Variants in LNX1 observed in about 807,000 individuals in gnomAD.
The protein encoded by LNX1 is ligand of numb-protein X 1.
Under a neutral mutation model 68.4 loss-of-function variants are expected in LNX1, and 54 were observed. The ratio of observed to expected loss-of-function variants is 0.79; its 90% confidence interval spans 0.63 to 0.99. LNX1 has a LOEUF of 0.99. Ranked by LOEUF, LNX1 falls within the 50% of genes least tolerant of loss-of-function variation. The pLI, the probability that LNX1 is intolerant of heterozygous loss-of-function variation, is 0.00. For missense variants in LNX1, 906 were observed against 926.4 expected, an observed-to-expected ratio of 0.98 and a Z score of 0.29; for synonymous variants, 336 against 350.0, an observed-to-expected ratio of 0.96 and a Z score of 0.45.
upstream of LNX1, among the ~76,000 whole-genome samples, chr4:53,622,342 T>G (rs1733913614): frequency 6.6e-6 from 1 of 152,174 alleles, no homozygotes; most frequent in Non-Finnish European, 1.5e-5. Context: ...TTAGAAATAC[T>G]GACAATTTTC....
rs1272473049 is a variant in LNX1 at position 53,496,048 on chromosome 4, G to T, written c.1325C>A (p.Pro442Gln). The T allele has an allele frequency of 6.2e-7, 1 of 1,613,740 alleles. No homozygotes were observed. The highest frequency in any genetic ancestry group is 2.2e-5 in the East Asian group (1 of 44,866). Residue 442 changes from proline to glutamine, a missense_variant, in exon 6 of 11, where the codon CCA (proline) becomes CAA (glutamine). Transcript: ENST00000263925. ...CTGAATCAGATGAGCCGCACTTTCTGGGCTGCCATATCGAAGATCATGTCC... is the reference window on the plus strand; with the variant it reads ...CTGAATCAGATGAGCCGCACTTTCTTGGCTGCCATATCGAAGATCATGTCC... ...INGHDLRYGSPESAAHLIQAS... is the reference protein window; with the variant it reads ...INGHDLRYGSQESAAHLIQAS...
chr4:53,551,742 T>G (rs1438632648), intron 2 of LNX1, among the ~76,000 whole-genome samples: 1 of 152,154 alleles, frequency 6.6e-6, no homozygotes, highest in East Asian at 1.9e-4. Flanking sequence ...CTCTTCTAAG[T>G]GTACTTCCTT....
At chr4:53,599,291 C>T (rs1045177323) in intron 2 of LNX1, among the ~76,000 whole-genome samples, 2 of 152,154 alleles carry the variant, frequency 1.3e-5, no homozygotes, top group Admixed American at 6.5e-5. Flanking sequence ...CCAGCTAAAA[C>T]CCACCAAAAC....
rs1455157552 is a variant in LNX1 at position 53,508,169 on chromosome 4, C to A, written c.439G>T (p.Gly147Cys). 2 of 1,614,044 alleles carry A rather than the reference C, an allele frequency of 1.2e-6. No homozygotes were observed. The highest frequency in any genetic ancestry group is 1.7e-6 in the Non-Finnish European group (2 of 1,180,026). Residue 147 changes from glycine (G) to cysteine (C), a missense_variant, in exon 3 of 11, where the codon GGC becomes TGC. Physicochemically the swap from Gly to Cys is radical, Grantham distance 159. Transcript: ENST00000263925. ...TKDRKRRSQD[G>C]CPDGCASLTA... ...AGGCTCGCACAGCCGTCTGGACAGCCATCTTGTGAGCGCCTCTTCCTATCT... is the reference window on the plus strand; with the variant it reads ...AGGCTCGCACAGCCGTCTGGACAGCAATCTTGTGAGCGCCTCTTCCTATCT...
intron 9 of LNX1, among the ~76,000 whole-genome samples, chr4:53,465,658 G>A (rs1722624145): frequency 6.6e-6 from 1 of 152,168 alleles, no homozygotes; most frequent in Non-Finnish European, 1.5e-5. Context: ...TGTGTTTATT[G>A]CCAAAGAACT....
At chr4:53,576,010 C>T (rs1208563341) in intron 1 of LNX1, 10 of 1,567,418 alleles carry the variant, frequency 6.4e-6, no homozygotes, top group South Asian at 2.4e-5. Flanking sequence ...CCTCCATCTT[C>T]CCCCCACCAG....
intron 2 of LNX1, among the ~76,000 whole-genome samples, chr4:53,562,548 A>G (rs1220517816): frequency 2.0e-5 from 3 of 152,370 alleles, no homozygotes; most frequent in Non-Finnish European, 4.4e-5. Context: ...TATTTAGTAG[A>G]CAAGTATTGT....
intron 2 of LNX1, among the ~76,000 whole-genome samples, chr4:53,510,602 T>C (rs1369046774): frequency 6.6e-6 from 1 of 152,176 alleles, no homozygotes; most frequent in Non-Finnish European, 1.5e-5. Context: ...AACTCAAAAA[T>C]TGGTGAAACA....
At chr4:53,634,252 C>CT (rs35451950) in intron 1 of LNX1, among the ~76,000 whole-genome samples, 53,664 of 142,822 alleles carry the variant, frequency 0.38, 10,606 homozygotes, top group East Asian at 0.58. Context: ...TCCAGCTTGG[C>CT]TTTTTTTTTT....
chr4:53,609,756 A>ATAT (rs1416873202), intron 2 of LNX1, among the ~76,000 whole-genome samples: 1 of 143,222 alleles, frequency 7.0e-6, no homozygotes, highest in Non-Finnish European at 1.5e-5. Context: ...ATTATATATA[A>ATAT]TATACTATTA....
intron 9 of LNX1, among the ~76,000 whole-genome samples, chr4:53,471,841 G>T (rs1723209761): frequency 6.6e-6 from 1 of 152,152 alleles, no homozygotes; most frequent in East Asian, 1.9e-4. Flanking sequence ...GAAACAACAG[G>T]TGCTGGAGAG....
chr4:53,557,130 G>C (rs1319092750), intron 2 of LNX1, among the ~76,000 whole-genome samples: 12 of 152,214 alleles, frequency 7.9e-5, no homozygotes, highest in Admixed American at 7.9e-4. Flanking sequence ...AATATCACTA[G>C]AGGTTGGTGA....
intron 1 of LNX1, among the ~76,000 whole-genome samples, chr4:53,580,614 G>T (rs1456209318): frequency 1.3e-5 from 2 of 152,164 alleles, no homozygotes; most frequent in Non-Finnish European, 2.9e-5. Flanking sequence ...TATATCTTAC[G>T]AGTAAAAAGG....
intron 2 of LNX1, among the ~76,000 whole-genome samples, chr4:53,512,740 G>A (rs1726446049): frequency 1.3e-5 from 2 of 152,120 alleles, no homozygotes; most frequent in South Asian, 4.2e-4. Flanking sequence ...CAAGATTAGG[G>A]GACTCTGTAG....
At chr4:53,650,604 G>C (rs575442126) in intron 1 of LNX1, among the ~76,000 whole-genome samples, 1 of 152,246 alleles carries the variant, frequency 6.6e-6, no homozygotes, top group Non-Finnish European at 1.5e-5. Context: ...TACGTAAATA[G>C]AGGAGGAAGC....
At chr4:53,599,810 T>C (rs1560688973) in intron 2 of LNX1, among the ~76,000 whole-genome samples, 1 of 152,198 alleles carries the variant, frequency 6.6e-6, no homozygotes, top group Non-Finnish European at 1.5e-5. Flanking sequence ...ATACCTCTTA[T>C]AGCTTTAGAA....
At chr4:53,572,570 C>A (rs1373656340) in intron 2 of LNX1, among the ~76,000 whole-genome samples, 1 of 152,182 alleles carries the variant, frequency 6.6e-6, no homozygotes, top group African/African-American at 2.4e-5. Flanking sequence ...TGCCTCTTGC[C>A]CTTGTCATGA....
At chr4:53,636,445 C>G (rs796626784) in intron 1 of LNX1, among the ~76,000 whole-genome samples, 1 of 152,148 alleles carries the variant, frequency 6.6e-6, no homozygotes, top group African/African-American at 2.4e-5. Flanking sequence ...GTGAGACATT[C>G]TTGTCCCTCA....
rs370137179 is a variant in LNX1 at position 53,472,038 on chromosome 4, T to G, written c.1892+4715A>C. Among the ~76,000 whole-genome samples the G allele has an allele frequency of 3.7e-4, 57 of 152,274 alleles. 1 individual carries two copies. The highest frequency in any genetic ancestry group is 3.3e-3 in the Admixed American group (50 of 15,294). On this transcript the variant is annotated intron_variant, in intron 9 of 10. Transcript: ENST00000263925. Reference sequence around the variant, plus strand: ...TGCTACTATAAAGACACATGCACACTTATGTTTATTGCGGCACTATTCACA... The same window carrying G: ...TGCTACTATAAAGACACATGCACACGTATGTTTATTGCGGCACTATTCACA...
Sources: allele counts gnomAD v4.1 joint callset (sites outside exome capture counted in the v4.1 genomes callset), GRCh38; gene constraint gnomAD v4.1.1; transcripts MANE v1.5; gene names NCBI Gene and HGNC (gene_info 2026-07-23, HGNC 2026-07-21).